The following NR3C1 variants were observed in gnomAD, a reference collection of about 807,000 sequenced individuals.
NR3C1 encodes glucocorticoid receptor.
Under a neutral mutation model 74.0 loss-of-function variants are expected in NR3C1, and 14 were observed. The observed-to-expected ratio is 0.19, with a 90% CI of 0.12 to 0.30. NR3C1 has a LOEUF of 0.30. Among genes scored for constraint, NR3C1 ranks in the 10% least tolerant of loss-of-function variants. The pLI, the probability that NR3C1 is intolerant of heterozygous loss-of-function variation, is 1.00. For missense variants in NR3C1, 695 were observed against 909.8 expected, an observed-to-expected ratio of 0.76 and a Z score of 3.04; for synonymous variants, 308 against 332.5, an observed-to-expected ratio of 0.93 and a Z score of 0.80.
rs1240981176 is a variant in NR3C1, at chr5:143,403,641, G to A, written c.-444C>T. 8 of 985,822 alleles carry A rather than the reference G, an allele frequency of 8.1e-6. No individual in the cohort carries two copies. In the Admixed American group the frequency reaches 1.8e-4, roughly 23 times the overall value. The allele number at this position is 985,822 out of a possible 1,614,324, so 61.1% of individuals were successfully genotyped here. On this transcript the variant is annotated 5_prime_UTR_variant, in exon 1 of 9. Transcript: ENST00000394464. Reference sequence around the variant, plus strand: ...CGCGGACACGCGAAAGGGCAGCCCGGCCTGGGCGAGCGAGCGGGACCGAGC... The same window carrying A: ...CGCGGACACGCGAAAGGGCAGCCCGACCTGGGCGAGCGAGCGGGACCGAGC...
intron 2 of NR3C1, among the ~76,000 whole-genome samples, chr5:143,333,905 T>C (rs1177439821): frequency 6.6e-6 from 1 of 152,224 alleles, no homozygotes; most frequent in Non-Finnish European, 1.5e-5. Context: ...GCTGAAGAAA[T>C]CTTAACTTTT....
Position 143,423,759 on chromosome 5 carries a change from G to T in NR3C1, c.-14+10773C>A, listed in dbSNP as rs187919548. Among the ~76,000 whole-genome samples the T allele has an allele frequency of 1.8e-3, 274 of 152,240 alleles. 1 individual carries two copies. Among genetic ancestry groups the T allele is most frequent in the African/African-American group, 6.2e-3 (259 of 41,534 alleles). ...AGAAAATGTTGTACATATACACAAT[G>T]AAATGTTATTCAGCCATAAAAAAGA... On this transcript the variant is annotated intron_variant, in intron 1 of 8. Coordinates refer to the NR3C1 transcript ENST00000343796.
chr5:143,317,441 T>G (rs1002056363), intron 2 of NR3C1, among the ~76,000 whole-genome samples: 2 of 152,176 alleles, frequency 1.3e-5, no homozygotes, highest in African/African-American at 4.8e-5. Context: ...CCAAACATTC[T>G]GAGAATGTTA....
chr5:143,432,799 A>G (rs922366415), intron 1 of NR3C1, among the ~76,000 whole-genome samples: 2 of 152,048 alleles, frequency 1.3e-5, no homozygotes, highest in Admixed American at 6.5e-5. Flanking sequence ...ATCTGTCAAC[A>G]TTTTCCCATA....
At chr5:143,319,275 T>C (rs1052512392) in intron 2 of NR3C1, among the ~76,000 whole-genome samples, 1 of 152,156 alleles carries the variant, frequency 6.6e-6, no homozygotes, top group African/African-American at 2.4e-5. Flanking sequence ...CTTACTAAAT[T>C]AGAGGCTTCC....
chr5:143,385,110 C>G (rs1195889654), intron 2 of NR3C1, among the ~76,000 whole-genome samples: 1 of 152,188 alleles, frequency 6.6e-6, no homozygotes, highest in Non-Finnish European at 1.5e-5. Context: ...AAGCAACAGC[C>G]CAAGATTATC....
rs181966692 is a variant in NR3C1, at chr5:143,392,005, G to A, written c.1184+7651C>T. Among the ~76,000 whole-genome samples, 677 of 149,606 alleles carry A rather than the reference G, an allele frequency of 4.5e-3. 2 individuals carry two copies. Among genetic ancestry groups the A allele is most frequent in the South Asian group, 0.012 (56 of 4,746 alleles). Reference sequence around the variant, plus strand: ...TTTTGAGACGGAGACTCGCTCTGTCGCCCAGGCTGGAGTGCAGTGGTGCAA... The same window carrying A: ...TTTTGAGACGGAGACTCGCTCTGTCACCCAGGCTGGAGTGCAGTGGTGCAA... On this transcript the variant is annotated intron_variant, in intron 2 of 8. Coordinates refer to ENST00000394464, the MANE Select transcript of NR3C1 (RefSeq NM_000176.3).
At chr5:143,379,690 A>G (rs1835841297) in intron 2 of NR3C1, among the ~76,000 whole-genome samples, 1 of 152,194 alleles carries the variant, frequency 6.6e-6, no homozygotes, top group Non-Finnish European at 1.5e-5. Flanking sequence ...CTAGGTCTTA[A>G]AGAGTTTTGC....
At chr5:143,383,214 G>A (rs777201233) in intron 2 of NR3C1, among the ~76,000 whole-genome samples, 4 of 152,170 alleles carry the variant, frequency 2.6e-5, no homozygotes, top group Non-Finnish European at 5.9e-5. Flanking sequence ...TTTGAACTGT[G>A]CCTCACATAT....
At chr5:143,415,881 T>G (rs1841460031) in intron 1 of NR3C1, among the ~76,000 whole-genome samples, 1 of 151,480 alleles carries the variant, frequency 6.6e-6, no homozygotes, top group African/African-American at 2.5e-5. Flanking sequence ...ACTTTCATCT[T>G]CCTTTAGACA....
At chr5:143,417,299 T>C (rs190086573) in intron 1 of NR3C1, among the ~76,000 whole-genome samples, 16 of 152,310 alleles carry the variant, frequency 1.1e-4, no homozygotes, top group Non-Finnish European at 7.4e-5. Flanking sequence ...ACAATGCTTA[T>C]ATAAAACATT....
chr5:143,339,235 C>G (rs1432362073), intron 2 of NR3C1, among the ~76,000 whole-genome samples: 1 of 147,848 alleles, frequency 6.8e-6, no homozygotes, highest in Non-Finnish European at 1.5e-5. Flanking sequence ...ATGCTTGTTT[C>G]ACAGTAAAAA....
chr5:143,383,389 A>C (rs1836600771), intron 2 of NR3C1, among the ~76,000 whole-genome samples: 1 of 152,210 alleles, frequency 6.6e-6, no homozygotes, highest in Non-Finnish European at 1.5e-5. Context: ...GAGTACCTTA[A>C]GTGCTAGGTG....
intron 2 of NR3C1, among the ~76,000 whole-genome samples, chr5:143,331,287 TC>T (rs1248866964): frequency 3.9e-5 from 6 of 152,160 alleles, no homozygotes; most frequent in African/African-American, 1.4e-4. Context: ...AAATAATAGA[TC>T]CTGGTGAGGT....
chr5:143,306,850 C>T (rs1299004569), intron 4 of NR3C1, among the ~76,000 whole-genome samples: 1 of 145,438 alleles, frequency 6.9e-6, no homozygotes, highest in African/African-American at 2.6e-5. Flanking sequence ...TTTTGAGAAA[C>T]TGCAGCCTAA....
chr5:143,379,081 AC>A (rs935894082), intron 2 of NR3C1, among the ~76,000 whole-genome samples: 1 of 152,150 alleles, frequency 6.6e-6, no homozygotes, highest in Non-Finnish European at 1.5e-5. Context: ...ACAGGAAAAT[AC>A]CCCCAGTGAG....
chr5:143,386,009 A>G (rs913052936), intron 2 of NR3C1, among the ~76,000 whole-genome samples: 2 of 152,242 alleles, frequency 1.3e-5, no homozygotes, highest in African/African-American at 4.8e-5. Flanking sequence ...ACTGACTCAT[A>G]GTTCCACAGG....
chr5:143,353,491 G>C (rs1830569170), intron 2 of NR3C1, among the ~76,000 whole-genome samples: 1 of 152,098 alleles, frequency 6.6e-6, no homozygotes, highest in Admixed American at 6.6e-5. Flanking sequence ...TTTGAAACTT[G>C]AAATCACTCC....
chr5:143,332,944 G>A (rs1353714692), intron 2 of NR3C1: 4 of 1,575,148 alleles, frequency 2.5e-6, no homozygotes, highest in Non-Finnish European at 3.4e-6. Flanking sequence ...AAGTCTGTCC[G>A]AGAACTCATT....
Sources: gnomAD v4.1 joint callset for allele counts (sites outside exome capture counted in the v4.1 genomes callset) on GRCh38, gnomAD v4.1.1 for gene constraint, MANE v1.5 for transcripts, NCBI Gene and HGNC (gene_info 2026-07-23, HGNC 2026-07-21) for gene names.